The following HTR1E variants were observed in gnomAD, a reference collection of about 807,000 sequenced individuals.
The protein encoded by HTR1E is 5-hydroxytryptamine receptor 1E, also known as 5-HT-1E.
A neutral mutation model predicts 3.4 loss-of-function variants in HTR1E; 3 were observed. The ratio of observed to expected loss-of-function variants is 0.89; its 90% confidence interval spans 0.41 to 2.31. The LOEUF (loss-of-function observed/expected upper bound fraction) is 2.31. Ranked by LOEUF, HTR1E falls within the 30% of genes most tolerant of loss-of-function variation. The pLI is 0.05. For synonymous variants in HTR1E, 170 were observed against 182.8 expected (o/e 0.93, Z 0.56); for missense variants, 392 against 467.0 (o/e 0.84, Z 1.48).
At chr6:86,945,039 G>T (rs971436466) in intron 1 of HTR1E, among the ~76,000 whole-genome samples, 2 of 151,822 alleles carry the variant, frequency 1.3e-5, no homozygotes, top group Non-Finnish European at 2.9e-5. Context: ...AAAGTGAAAA[G>T]AAGTTTAACT....
chr6:86,938,768 G>C (rs1768506045), intron 1 of HTR1E, among the ~76,000 whole-genome samples: 1 of 152,182 alleles, frequency 6.6e-6, no homozygotes, highest in Non-Finnish European at 1.5e-5. Flanking sequence ...AATGGGTTGG[G>C]GGAGCAGTGT....
In HTR1E at chr6:86,953,312, G is replaced by A. The variant is rs1767271568; in HGVS notation, c.-186+15489G>A. Among the ~76,000 whole-genome samples the A allele has an allele frequency of 2.6e-5, 4 of 152,162 alleles. No homozygotes were observed. The South Asian group carries it at 8.3e-4, about 32-fold the overall frequency. On this transcript the variant is annotated intron_variant, in intron 1 of 1. Transcript: ENST00000305344. Reference sequence around the variant, plus strand: ...GCATAAAATGGCACTCTTTATTTAAGTCAGTTTTGGAGATTATCTGGGTAG... The same window carrying A: ...GCATAAAATGGCACTCTTTATTTAAATCAGTTTTGGAGATTATCTGGGTAG...
intron 1 of HTR1E, among the ~76,000 whole-genome samples, chr6:86,941,424 A>C (rs1255444019): frequency 2.0e-5 from 3 of 152,172 alleles, no homozygotes; most frequent in Non-Finnish European, 2.9e-5. Flanking sequence ...TGCAGTCCTT[A>C]CCTGAATAGA....
At chr6:86,966,187 T>C (rs1767469268) in intron 1 of HTR1E, among the ~76,000 whole-genome samples, 1 of 151,636 alleles carries the variant, frequency 6.6e-6, no homozygotes, top group Non-Finnish European at 1.5e-5. Flanking sequence ...GGAAATAATA[T>C]TACTAAGAAG....
Position 86,956,001 on chromosome 6 carries a change from C to A in HTR1E, c.-186+18178C>A, listed in dbSNP as rs192839724. Among the ~76,000 whole-genome samples the A allele has an allele frequency of 9.9e-5, 15 of 152,220 alleles. No individual in the cohort carries two copies. The East Asian group carries it at 2.9e-3, about 29-fold the overall frequency. ...GGGGGATTAGACACACCTCATTATA[C>A]CCTTCTCTCTTTGGAATTGGGGCAC... is the stretch of plus-strand genomic sequence containing the variant. On this transcript the variant is annotated intron_variant, in intron 1 of 1. Transcript: ENST00000305344.
chr6:87,015,351 G>C lies in HTR1E; in HGVS notation c.17G>C (p.Cys6Ser), dbSNP rs763802691. ...AAGGGAAACATGAACATCACAAACT[G>C]TACCACAGAGGCCAGCATGGCTATA... MNITN[C>S]TTEASMAIRP... Residue 6 changes from cysteine (C) to serine (S), a missense_variant, in exon 2 of 2, where the codon TGT becomes TCT. Cys to Ser is a moderately radical substitution (Grantham distance 112, BLOSUM62 -1). Transcript: ENST00000305344. The C allele has an allele frequency of 1.3e-6, 2 of 1,570,034 alleles. No homozygotes were observed. Among genetic ancestry groups the C allele is most frequent in the Non-Finnish European group, 1.7e-6 (2 of 1,153,886 alleles).
chr6:86,996,472 G>A (rs1403700642), intron 1 of HTR1E, among the ~76,000 whole-genome samples: 1 of 124,212 alleles, frequency 8.1e-6, no homozygotes, highest in Non-Finnish European at 1.8e-5. Context: ...CCTTATAACT[G>A]ACATAGAAAA....
intron 1 of HTR1E, among the ~76,000 whole-genome samples, chr6:86,944,828 T>G (rs1768592542): frequency 6.6e-6 from 1 of 152,228 alleles, no homozygotes; most frequent in South Asian, 2.1e-4. Flanking sequence ...GCAATGTTGT[T>G]GTAGCACAAT....
intron 1 of HTR1E, among the ~76,000 whole-genome samples, chr6:86,975,534 A>G (rs569358594): frequency 1.6e-4 from 24 of 150,252 alleles, no homozygotes; most frequent in Non-Finnish European, 2.8e-4. Flanking sequence ...CAGGCCACCC[A>G]CCCCCTGTGA....
intron 1 of HTR1E, among the ~76,000 whole-genome samples, chr6:87,009,759 G>A (rs1341472534): frequency 5.7e-5 from 8 of 141,488 alleles, no homozygotes; most frequent in African/African-American, 2.0e-4. Context: ...TTCCCAGTAG[G>A]GGCGGCTGGC....
At chr6:86,950,892 A>G (rs1316134384) in intron 1 of HTR1E, among the ~76,000 whole-genome samples, 1 of 152,182 alleles carries the variant, frequency 6.6e-6, no homozygotes, top group African/African-American at 2.4e-5. Flanking sequence ...ATTTTTTCAA[A>G]TCTGTTTTTC....
chr6:86,985,703 G>T (rs1767775452), intron 1 of HTR1E, among the ~76,000 whole-genome samples: 1 of 152,142 alleles, frequency 6.6e-6, no homozygotes, highest in Non-Finnish European at 1.5e-5. Context: ...GCTTCACTCA[G>T]ATCTGCCTTC....
intron 1 of HTR1E, among the ~76,000 whole-genome samples, chr6:86,983,342 T>C (rs1302731755): frequency 2.0e-5 from 3 of 152,230 alleles, no homozygotes. Context: ...ATGGTATCAC[T>C]ATCTTCTGAT....
chr6:87,006,387 A>G (rs1272279157), intron 1 of HTR1E, among the ~76,000 whole-genome samples: 1 of 152,248 alleles, frequency 6.6e-6, no homozygotes, highest in Non-Finnish European at 1.5e-5. Context: ...ACCATCTCAC[A>G]CCAGTCAGAA....
At chr6:87,010,245 T>A in intron 1 of HTR1E, among the ~76,000 whole-genome samples, 1 of 102,482 alleles carries the variant, frequency 9.8e-6, no homozygotes, top group South Asian at 4.0e-4. Flanking sequence ...GGCTCCTCAC[T>A]TCTCAGTAGG....
intron 1 of HTR1E, among the ~76,000 whole-genome samples, chr6:87,006,428 G>A (rs1768108796): frequency 6.6e-6 from 1 of 152,176 alleles, no homozygotes; most frequent in Non-Finnish European, 1.5e-5. Flanking sequence ...AGAAACAACA[G>A]ATGCTGGCGA....
intron 1 of HTR1E, among the ~76,000 whole-genome samples, chr6:86,948,648 G>A (rs968224846): frequency 9.2e-5 from 14 of 151,852 alleles, no homozygotes. Context: ...TGTCGTTTTT[G>A]GCCCATATCG....
At chr6:86,979,390 AC>A (rs1332921074) in intron 1 of HTR1E, among the ~76,000 whole-genome samples, 2 of 152,244 alleles carry the variant, frequency 1.3e-5, no homozygotes, top group Admixed American at 6.5e-5. Flanking sequence ...TGACTCAAAA[AC>A]TATTTCTGAA....
intron 1 of HTR1E, among the ~76,000 whole-genome samples, chr6:86,963,703 C>T (rs1337069170): frequency 6.6e-6 from 1 of 152,084 alleles, no homozygotes; most frequent in African/African-American, 2.4e-5. Flanking sequence ...CAATTGCCTA[C>T]ATTATTTGGT....
Sources: allele counts gnomAD v4.1 joint callset (sites outside exome capture counted in the v4.1 genomes callset), GRCh38; gene constraint gnomAD v4.1.1; transcripts MANE v1.5; gene names NCBI Gene and HGNC (gene_info 2026-07-23, HGNC 2026-07-21).